ACTR1A: variants seen among roughly 807,000 people sequenced by gnomAD.
ACTR1A encodes actin related protein 1A.
A neutral mutation model predicts 50.7 loss-of-function variants in ACTR1A; 10 were observed. The observed-to-expected ratio is 0.20, with a 90% CI of 0.12 to 0.33. ACTR1A has a LOEUF of 0.33. ACTR1A is among the 10% of genes least tolerant of loss of function. ACTR1A has a pLI of 1.00. For synonymous variants in ACTR1A, 177 were observed against 184.2 expected, an observed-to-expected ratio of 0.96 and a Z score of 0.32; for missense variants, 253 against 491.7, an observed-to-expected ratio of 0.51 and a Z score of 4.59.
At chr10:102,497,445 ATGGTGGCT>A (rs1233193835) in intron 1 of ACTR1A, among the ~76,000 whole-genome samples, 2 of 152,006 alleles carry the variant, frequency 1.3e-5, no homozygotes, top group Non-Finnish European at 2.9e-5. Flanking sequence ...GGATCTAGGC[ATGGTGGCT>A]TGCTCCTCCT....
At chr10:102,490,108 C>T (rs1303443300) in intron 2 of ACTR1A, among the ~76,000 whole-genome samples, 2 of 151,360 alleles carry the variant, frequency 1.3e-5, no homozygotes, top group Admixed American at 6.6e-5. Flanking sequence ...CGGTGGCAGG[C>T]GCCTGTAGTC....
chr10:102,485,142 G>A (rs768316326), intron 5 of ACTR1A, among the ~76,000 whole-genome samples: 4 of 151,986 alleles, frequency 2.6e-5, no homozygotes, highest in African/African-American at 9.7e-5. Context: ...AATCTCTGCC[G>A]TAGACCTCAC....
chr10:102,487,475 T>G (rs1439932608), intron 4 of ACTR1A, among the ~76,000 whole-genome samples: 1 of 151,960 alleles, frequency 6.6e-6, no homozygotes, highest in African/African-American at 2.4e-5. Context: ...GGAGGATTAC[T>G]TGAGCCCAGG....
chr10:102,496,210 A>T (rs992126141), intron 1 of ACTR1A, among the ~76,000 whole-genome samples: 14 of 152,198 alleles, frequency 9.2e-5, no homozygotes, highest in African/African-American at 3.4e-4. Context: ...AAAAATCAGA[A>T]TATCTGGCAA....
At chr10:102,496,856 CATG>C (rs1589965208) in intron 1 of ACTR1A, among the ~76,000 whole-genome samples, 1 of 152,154 alleles carries the variant, frequency 6.6e-6, no homozygotes, top group Non-Finnish European at 1.5e-5. Flanking sequence ...TTTGATTAGG[CATG>C]ATAATAGTAT....
At chr10:102,495,401 T>C (rs11191303) in intron 1 of ACTR1A, among the ~76,000 whole-genome samples, 53,396 of 151,638 alleles carry the variant, frequency 0.35, 9,560 homozygotes, top group African/African-American at 0.39. Context: ...AACCCCGTCT[T>C]CACTAAAAGT....
chr10:102,486,591 G>A (rs1039200382), intron 4 of ACTR1A, among the ~76,000 whole-genome samples: 4 of 152,080 alleles, frequency 2.6e-5, no homozygotes, highest in African/African-American at 9.7e-5. Flanking sequence ...ACTCAGGAAG[G>A]CTCAGGCAGG....
chr10:102,500,656 G>A (rs914385517), intron 1 of ACTR1A, among the ~76,000 whole-genome samples: 1 of 152,078 alleles, frequency 6.6e-6, no homozygotes, highest in Admixed American at 6.6e-5. Context: ...CTACTTGGGA[G>A]TCTAGGCTGG....
At chr10:102,480,998 G>A (rs2062137007) in intron 10 of ACTR1A, 33 bp from the exon 11 acceptor site, 1 of 1,591,714 alleles carries the variant, frequency 6.3e-7, no homozygotes, top group African/African-American at 1.3e-5. Context: ...AACTGTGTGA[G>A]AGAGAAGTGG....
intron 9 of ACTR1A, 50 bp downstream of exon 9, chr10:102,481,787 T>C (rs1480249013): frequency 1.2e-6 from 2 of 1,600,828 alleles, no homozygotes; most frequent in African/African-American, 1.3e-5. Flanking sequence ...GGTGGCACTC[T>C]GTCCATGGAA....
rs1564648542 is a variant in ACTR1A, at chr10:102,485,597, G to GC, written c.440+11dup. On this transcript the variant is annotated intron_variant, in intron 5 of 10. Transcript: ENST00000369905. ...TTCCCCGCAGGGGCCGGGCTAGCCA[G>GC]CTGCTACTCACAGGCTGAGTACAGC... 1.9e-6 allele frequency: 3 copies of GC among 1,613,162 alleles called. No homozygotes were observed. In the South Asian group the frequency reaches 3.3e-5, roughly 18 times the overall value.
At chr10:102,499,663 T>C (rs969651262) in intron 1 of ACTR1A, among the ~76,000 whole-genome samples, 1 of 152,338 alleles carries the variant, frequency 6.6e-6, no homozygotes, top group East Asian at 1.9e-4. Context: ...GATAGACAGG[T>C]TGTTCCTTCT....
At chr10:102,499,054 T>C (rs989678681) in intron 1 of ACTR1A, among the ~76,000 whole-genome samples, 2 of 152,192 alleles carry the variant, frequency 1.3e-5, no homozygotes, top group Non-Finnish European at 2.9e-5. Flanking sequence ...CAGAGTAAGA[T>C]GAAAGACGTG....
chr10:102,486,739 C>T (rs2062169898), intron 4 of ACTR1A, among the ~76,000 whole-genome samples: 1 of 151,638 alleles, frequency 6.6e-6, no homozygotes, highest in African/African-American at 2.4e-5. Context: ...ATCCCACCTG[C>T]ACCTGGAAAT....
chr10:102,489,191 G>A, intron 2 of ACTR1A, 53 bp from the exon 3 acceptor site: 3 of 1,381,036 alleles, frequency 2.2e-6, no homozygotes, highest in African/African-American at 1.5e-5. Context: ...ACAGAACACA[G>A]GAAGGATGTA....
At chr10:102,490,073 A>C (rs1415510946) in intron 2 of ACTR1A, among the ~76,000 whole-genome samples, 1 of 151,956 alleles carries the variant, frequency 6.6e-6, no homozygotes, top group South Asian at 2.1e-4. Context: ...ATCTCTACTA[A>C]AAATACAAAA....
Position 102,480,806 on chromosome 10 carries a change from A to C in ACTR1A, c.*57T>G. ...TTCCTCGCAAACACTCCGACTCAAG[A>C]AAGCGAGTTTTAAAGTGGAGTTAAC... On this transcript the variant is annotated 3_prime_UTR_variant, in exon 11 of 11. Transcript: ENST00000369905. 7.0e-7 allele frequency: 1 copy of C among 1,421,034 alleles called. No homozygotes were observed. The highest frequency in any genetic ancestry group is 9.9e-7 in the Non-Finnish European group (1 of 1,005,194). The allele number at this position is 1,421,034 out of a possible 1,614,324, so 88.0% of individuals were successfully genotyped here.
chr10:102,480,706 C>G lies in ACTR1A; in HGVS notation c.*157G>C. ...AGGTAGTTCATCGTCCTTTCTGGGC[C>G]CAGGGTCCCAGGGCCACACGGCACT... On this transcript the variant is annotated 3_prime_UTR_variant, in exon 11 of 11. Coordinates refer to ENST00000369905, the MANE Select transcript of ACTR1A (RefSeq NM_005736.4). 4 of 674,226 alleles carry G rather than the reference C, an allele frequency of 5.9e-6. No homozygotes were observed. Among genetic ancestry groups the G allele is most frequent in the Non-Finnish European group, 1.1e-5 (4 of 378,092 alleles). 41.8% of individuals were successfully genotyped at this position (674,226 alleles called of 1,614,324 possible). A position where few individuals can be genotyped will look rare whatever the true frequency, so the allele number is the denominator to read the frequency against.
At chr10:102,491,421 C>T (rs902834631) in intron 1 of ACTR1A, among the ~76,000 whole-genome samples, 30 of 152,322 alleles carry the variant, frequency 2.0e-4, no homozygotes, top group African/African-American at 7.2e-4. Flanking sequence ...GAAATGGACT[C>T]CCATGGAACA....
Sources: gnomAD v4.1 joint callset for allele counts (sites outside exome capture counted in the v4.1 genomes callset) on GRCh38, gnomAD v4.1.1 for gene constraint, MANE v1.5 for transcripts, NCBI Gene and HGNC (gene_info 2026-07-23, HGNC 2026-07-21) for gene names.